Variants in PALM2AKAP2 observed in about 807,000 individuals in gnomAD.
The protein encoded by PALM2AKAP2 is PALM2 and AKAP2 fusion.
In PALM2AKAP2, 37 loss-of-function variants were observed where a neutral mutation model predicts 71.5. The observed-to-expected ratio is 0.52, with a 90% confidence interval of 0.40 to 0.68. The LOEUF (loss-of-function observed/expected upper bound fraction) is 0.68. Ranked by LOEUF, PALM2AKAP2 falls within the 30% of genes least tolerant of loss-of-function variation. The pLI, the probability that PALM2AKAP2 is intolerant of heterozygous loss-of-function variation, is 0.00. For missense variants in PALM2AKAP2, 1,224 were observed against 1,191.8 expected (o/e 1.03, Z -0.40); for synonymous variants, 468 against 478.8 (o/e 0.98, Z 0.29).
intron 3 of PALM2AKAP2, among the ~76,000 whole-genome samples, chr9:109,881,816 A>G (rs1829859098): frequency 6.6e-6 from 1 of 150,730 alleles, no homozygotes; most frequent in African/African-American, 2.4e-5. Flanking sequence ...CCATCCCACC[A>G]AATTCTACCT....
intron 6 of PALM2AKAP2, among the ~76,000 whole-genome samples, chr9:109,976,401 G>T (rs1486053519): frequency 6.6e-6 from 1 of 152,228 alleles, no homozygotes; most frequent in East Asian, 1.9e-4. Flanking sequence ...GGAAGAGGTA[G>T]AGTCAGGGTT....
intron 1 of PALM2AKAP2, among the ~76,000 whole-genome samples, chr9:109,823,545 A>C (rs1263274045): frequency 6.6e-6 from 1 of 152,196 alleles, no homozygotes; most frequent in Non-Finnish European, 1.5e-5. Flanking sequence ...TTACCTGTCT[A>C]GTGTTGGAAG....
chr9:110,123,728 T>TTTC (rs1835538428), intron 1 of PALM2AKAP2, among the ~76,000 whole-genome samples: 1 of 152,178 alleles, frequency 6.6e-6, no homozygotes, highest in African/African-American at 2.4e-5. Flanking sequence ...TAGGGCAGAT[T>TTTC]TAAAACCTTT....
At chr9:109,731,085 C>T (rs1427027903) in intron 1 of PALM2AKAP2, among the ~76,000 whole-genome samples, 2 of 152,178 alleles carry the variant, frequency 1.3e-5, no homozygotes, top group Non-Finnish European at 2.9e-5. Context: ...AGATGTTAAA[C>T]TAATTACACC....
chr9:109,874,840 A>G (rs1450068981), intron 2 of PALM2AKAP2, among the ~76,000 whole-genome samples: 1 of 152,106 alleles, frequency 6.6e-6, no homozygotes, highest in Admixed American at 6.6e-5. Context: ...CTCAGCCCAC[A>G]TCTAATCTGT....
At chr9:109,802,692 GT>G (rs1827465888) in intron 1 of PALM2AKAP2, among the ~76,000 whole-genome samples, 1 of 152,198 alleles carries the variant, frequency 6.6e-6, no homozygotes, top group Non-Finnish European at 1.5e-5. Context: ...TTGTCTGGAA[GT>G]GACCCACATC....
intron 3 of PALM2AKAP2, among the ~76,000 whole-genome samples, chr9:109,908,818 A>G (rs1830506955): frequency 6.6e-6 from 1 of 151,444 alleles, no homozygotes; most frequent in Admixed American, 6.6e-5. Context: ...GCACACACAC[A>G]CACACACACA....
intron 7 of PALM2AKAP2, among the ~76,000 whole-genome samples, chr9:110,020,500 T>C (rs770194021): frequency 6.6e-6 from 1 of 151,910 alleles, no homozygotes; most frequent in Non-Finnish European, 1.5e-5. Flanking sequence ...CTGGCCAACA[T>C]GATGAAACCC....
rs149672913 is a variant in PALM2AKAP2, at chr9:110,023,305, C to CTTTTTTTTTTTTTTT, written c.582+7278_582+7292dup. Reference sequence around the variant, plus strand: ...GTGAGATGGTATCTCATTGTGGTTTCTTTTTTTTTTTTTTTTTTTTTTTTT... The same window carrying CTTTTTTTTTTTTTTT: ...GTGAGATGGTATCTCATTGTGGTTTCTTTTTTTTTTTTTTTTTTTTTTTTTTTTTTTTTTTTTTTT... On this transcript the variant is annotated intron_variant, in intron 7 of 9. Coordinates refer to the PALM2AKAP2 transcript ENST00000302798. Among the ~76,000 whole-genome samples the CTTTTTTTTTTTTTTT allele has an allele frequency of 9.6e-4, 71 of 74,046 alleles. 10 individuals are homozygous for CTTTTTTTTTTTTTTT. Among genetic ancestry groups the CTTTTTTTTTTTTTTT allele is most frequent in the African/African-American group, 2.3e-3 (37 of 16,188 alleles). 48.6% of individuals were successfully genotyped at this position (74,046 alleles called of 152,430 possible). A position where few individuals can be genotyped will look rare whatever the true frequency, so the allele number is the denominator to read the frequency against.
At chr9:110,033,497 A>G (rs181281426) in intron 7 of PALM2AKAP2, among the ~76,000 whole-genome samples, 3 of 152,148 alleles carry the variant, frequency 2.0e-5, no homozygotes, top group African/African-American at 7.2e-5. Context: ...TCTCTTTAAC[A>G]CTCAAAATGA....
chr9:109,801,239 AC>A (rs1399526342), intron 1 of PALM2AKAP2, among the ~76,000 whole-genome samples: 5 of 152,218 alleles, frequency 3.3e-5, no homozygotes, highest in African/African-American at 9.7e-5. Context: ...GCAAACTCAG[AC>A]AAGAGAATGG....
intron 1 of PALM2AKAP2, among the ~76,000 whole-genome samples, chr9:110,075,258 A>G (rs911902577): frequency 6.6e-6 from 1 of 152,178 alleles, no homozygotes; most frequent in African/African-American, 2.4e-5. Flanking sequence ...AAATTTACCA[A>G]TTTGGTATTG....
intron 1 of PALM2AKAP2, among the ~76,000 whole-genome samples, chr9:109,660,272 G>A (rs1827371410): frequency 6.6e-6 from 1 of 152,116 alleles, no homozygotes; most frequent in Non-Finnish European, 1.5e-5. Flanking sequence ...AGGTATACAT[G>A]TGCCATGTTG....
intron 1 of PALM2AKAP2, among the ~76,000 whole-genome samples, chr9:109,747,392 T>C (rs559458158): frequency 6.6e-6 from 1 of 152,348 alleles, no homozygotes; most frequent in Admixed American, 6.5e-5. Flanking sequence ...TTCTATTCAA[T>C]TTCTAGTAAT....
intron 6 of PALM2AKAP2, among the ~76,000 whole-genome samples, chr9:110,011,014 A>AATATAT (rs1554737804): frequency 0.029 from 2,010 of 69,008 alleles, 97 homozygotes; most frequent in Middle Eastern, 0.051. Context: ...AAAAAAAAAA[A>AATATAT]ATATATATAT....
chr9:109,875,806 T>C (rs1436238359), intron 2 of PALM2AKAP2, among the ~76,000 whole-genome samples: 1 of 152,216 alleles, frequency 6.6e-6, no homozygotes. Context: ...ACTCAGTTCT[T>C]GCTTTTTGTT....
chr9:110,017,173 A>G (rs1403481937), intron 7 of PALM2AKAP2, among the ~76,000 whole-genome samples: 1 of 152,156 alleles, frequency 6.6e-6, no homozygotes. Flanking sequence ...GCCAAACTGG[A>G]GATATTTCTC....
At chr9:109,946,822 C>A (rs934259555) in intron 6 of PALM2AKAP2, 1 of 149,664 alleles carries the variant, frequency 6.7e-6, no homozygotes, top group Middle Eastern at 3.6e-3. Context: ...ATAAAAGATT[C>A]TTTAATGGTT....
At chr9:110,147,493 T>TCATTACAA (rs941875219) in intron 2 of PALM2AKAP2, among the ~76,000 whole-genome samples, 1 of 152,178 alleles carries the variant, frequency 6.6e-6, no homozygotes, top group African/African-American at 2.4e-5. Flanking sequence ...ATTGTTGTTG[T>TCATTACAA]CATTACAACA....
Sources: gnomAD v4.1 joint callset for allele counts (sites outside exome capture counted in the v4.1 genomes callset) on GRCh38, gnomAD v4.1.1 for gene constraint, MANE v1.5 for transcripts, NCBI Gene and HGNC (gene_info 2026-07-23, HGNC 2026-07-21) for gene names.